TSEN2: variants seen among roughly 807,000 people sequenced by gnomAD.
TSEN2 encodes the protein tRNA splicing endonuclease subunit 2.
In TSEN2, 54 loss-of-function variants were observed where a neutral mutation model predicts 59.2. The ratio of observed to expected loss-of-function variants is 0.91; its 90% CI spans 0.73 to 1.14. The LOEUF (loss-of-function observed/expected upper bound fraction) is 1.14. Ranked by LOEUF, TSEN2 falls within the 50% of genes most tolerant of loss-of-function variation. The pLI is 0.00. For missense variants in TSEN2, 636 were observed against 576.2 expected, an observed-to-expected ratio of 1.10 and a Z score of -1.06; for synonymous variants, 195 against 198.2, an observed-to-expected ratio of 0.98 and a Z score of 0.14.
intron 10 of TSEN2, chr3:12,530,638 A>C: frequency 4.1e-6 from 4 of 985,398 alleles, no homozygotes; most frequent in Non-Finnish European, 1.2e-6. Context: ...GCAGGGCTAG[A>C]GATGACTGCC....
chr3:12,530,537 G>A (rs760436126), intron 10 of TSEN2: 41 of 985,368 alleles, frequency 4.2e-5, no homozygotes, highest in South Asian at 4.7e-5. Context: ...TCATTACTCA[G>A]TGATTTGCTG....
At chr3:12,506,704 A>G (rs953962881) in intron 6 of TSEN2, 2 of 984,786 alleles carry the variant, frequency 2.0e-6, no homozygotes, top group African/African-American at 1.8e-5. Flanking sequence ...GCTTATGTTG[A>G]TAGTGCACAC....
intron 8 of TSEN2, among the ~76,000 whole-genome samples, chr3:12,523,550 T>TTTTTTTTC (rs2056837968): frequency 7.4e-6 from 1 of 134,260 alleles, no homozygotes; most frequent in African/African-American, 3.4e-5. Flanking sequence ...TTTTTTTTTT[T>TTTTTTTTC]TGAGACAAAG....
At chr3:12,492,347 T>G (rs2053298234) in intron 3 of TSEN2, 130 bp downstream of exon 3, 2 of 730,574 alleles carry the variant, frequency 2.7e-6, no homozygotes, top group Admixed American at 4.6e-5. Context: ...ACTGCCAAAG[T>G]TAGCTAGAAT....
At chr3:12,522,080 T>C (rs932740934) in intron 8 of TSEN2, among the ~76,000 whole-genome samples, 1 of 152,224 alleles carries the variant, frequency 6.6e-6, no homozygotes, top group African/African-American at 2.4e-5. Context: ...CTCATAACTT[T>C]CATTATAGTG....
chr3:12,486,441 T>A (rs79201654), intron 1 of TSEN2, among the ~76,000 whole-genome samples: 9,779 of 152,292 alleles, frequency 0.064, 690 homozygotes, highest in African/African-American at 0.17. Flanking sequence ...CTACCTTCCC[T>A]GAGGGTTTCT....
chr3:12,523,526 C>CTTTTTTTTTTTTTTTTTTTTTTTTTTT lies in TSEN2; in HGVS notation c.1099+4354_1099+4355insTTTTTTTTTTTTTTTTTTTTTTTTTTT, dbSNP rs546904336. The stretch of plus-strand genomic sequence containing the variant: ...CTTCTCCTCATCTTCCTCTTTGATT[C>CTTTTTTTTTTTTTTTTTTTTTTTTTTT]TTTTTTTTTTTTTTTTTTTTTTTTT... On this transcript the variant is annotated intron_variant, in intron 8 of 11. Coordinates refer to ENST00000284995, the MANE Select transcript of TSEN2 (RefSeq NM_025265.4). 3.6e-3 allele frequency among the ~76,000 whole-genome samples: 166 copies of CTTTTTTTTTTTTTTTTTTTTTTTTTTT among 46,476 alleles called. 32 individuals carry two copies. The highest frequency in any genetic ancestry group is 4.8e-3 in the Non-Finnish European group (111 of 23,028). 30.5% of individuals were successfully genotyped at this position (46,476 alleles called of 152,430 possible).
At position 12,498,789 on chromosome 3, in the gene TSEN2, C is replaced by T. The variant is rs564690076; in HGVS notation, c.308+2235C>T. ...TTCTATCAGCAAGCTACATACGTCC[C>T]CCAACCAAAACCAATACTTGATTTA... is the stretch of plus-strand genomic sequence containing the variant. On this transcript the variant is annotated intron_variant, in intron 4 of 11. Transcript: ENST00000284995. Among the ~76,000 whole-genome samples, 10 of 152,246 alleles carry T rather than the reference C, an allele frequency of 6.6e-5. No individual in the cohort carries two copies. In the South Asian group the frequency reaches 1.9e-3, roughly 28 times the overall value.
At chr3:12,487,052 TA>T (rs1399106999) in intron 1 of TSEN2, among the ~76,000 whole-genome samples, 2 of 152,236 alleles carry the variant, frequency 1.3e-5, no homozygotes, top group Non-Finnish European at 2.9e-5. Flanking sequence ...GGTCTATACC[TA>T]GGGGTGGAGT....
upstream of TSEN2, among the ~76,000 whole-genome samples, chr3:12,480,528 G>GGTTTTTTTTTTTTTTTTTTTTTT (rs1553565213): frequency 1.2e-4 from 11 of 91,738 alleles, no homozygotes; most frequent in South Asian, 3.3e-4. Context: ...TTGTTTCTTT[G>GGTTTTTTTTTTTTTTTTTTTTTT]TTTTTTTTTT....
intron 6 of TSEN2, among the ~76,000 whole-genome samples, chr3:12,505,852 C>G (rs1029711245): frequency 5.3e-5 from 8 of 150,924 alleles, no homozygotes; most frequent in African/African-American, 2.0e-4. Context: ...TGTAGTCCAG[C>G]CACTTGTGTG....
chr3:12,502,701 T>TTTTTTTTTTTTC (rs2054413386), intron 4 of TSEN2, among the ~76,000 whole-genome samples: 1 of 146,316 alleles, frequency 6.8e-6, no homozygotes, highest in South Asian at 2.2e-4. Context: ...TTTTTTTTTT[T>TTTTTTTTTTTTC]CAAATAAAGC....
chr3:12,505,517 G>A (rs995299304), intron 6 of TSEN2: 42 of 351,036 alleles, frequency 1.2e-4, no homozygotes, highest in African/African-American at 7.6e-4. Context: ...GGCCGGGTGC[G>A]GGGGCTCACA....
rs1306073847 is a variant in TSEN2 at position 12,516,641 on chromosome 3, T to C, written c.940T>C (p.Leu314=). The change falls in exon 7 of 12, where the codon TTA becomes CTA. Residue 314 remains leucine (L), a synonymous_variant. Coordinates refer to ENST00000284995, the MANE Select transcript of TSEN2 (RefSeq NM_025265.4). ...TTTCTTGGTCTATGCTCTGGGATGT[T>C]TAAGTATTTACTATGAGAAGGTAAG... ...AFFLVYALGC[L]SIYYEKEPLT... 2.5e-6 allele frequency: 4 copies of C among 1,613,950 alleles called. No homozygotes were observed. The highest frequency in any genetic ancestry group is 3.4e-6 in the Non-Finnish European group (4 of 1,180,018).
downstream of TSEN2, chr3:12,533,762 G>C (rs2057600469): frequency 6.6e-6 from 1 of 151,804 alleles, no homozygotes; most frequent in South Asian, 2.1e-4. Context: ...GTGGTAGCCT[G>C]AGCTGTATCC....
chr3:12,519,126 A>C lies in TSEN2; in HGVS notation c.1028A>C (p.Tyr343Ser). 1.2e-6 allele frequency: 2 copies of C among 1,614,242 alleles called. No individual in the cohort carries two copies. Among genetic ancestry groups the C allele is most frequent in the Non-Finnish European group, 1.7e-6 (2 of 1,180,026 alleles). Residue 343 changes from tyrosine to serine, a missense_variant, in exon 8 of 12, where the codon TAC becomes TCC. Physicochemically the swap from Tyr to Ser is moderately radical, Grantham distance 144. Coordinates refer to ENST00000284995, the MANE Select transcript of TSEN2 (RefSeq NM_025265.4). ...GTTCAGCCCACGTTCAGAACCACCTACATGGCCTACCATTACTTTCGAAGC... is the reference window on the plus strand; with the variant it reads ...GTTCAGCCCACGTTCAGAACCACCTCCATGGCCTACCATTACTTTCGAAGC... The part of the protein sequence containing the change: ...TVVQPTFRTT[Y>S]MAYHYFRSKG...
chr3:12,516,439 AAAATATATGTGTGTGTG>A (rs1559335448), intron 6 of TSEN2, among the ~76,000 whole-genome samples, 155 bp from the exon 7 acceptor site: 2 of 73,926 alleles, frequency 2.7e-5, no homozygotes, highest in Non-Finnish European at 5.2e-5. Context: ...ACAAACAAAC[AAAATATATGTGTGTGTG>A]TGTGTGTGTG....
At chr3:12,497,111 C>T (rs112474868) in intron 4 of TSEN2, among the ~76,000 whole-genome samples, 17 of 152,348 alleles carry the variant, frequency 1.1e-4, no homozygotes, top group African/African-American at 3.8e-4. Flanking sequence ...TGCTGCTCCT[C>T]TGGCCCCCAC....
intron 8 of TSEN2, among the ~76,000 whole-genome samples, chr3:12,523,231 GT>G (rs935893038): frequency 2.0e-5 from 3 of 152,168 alleles, no homozygotes; most frequent in African/African-American, 7.2e-5. Flanking sequence ...TGACCCAAAG[GT>G]CTGGTTACTC....
Sources: gnomAD v4.1 joint callset for allele counts (sites outside exome capture counted in the v4.1 genomes callset) on GRCh38, gnomAD v4.1.1 for gene constraint, MANE v1.5 for transcripts, NCBI Gene and HGNC (gene_info 2026-07-23, HGNC 2026-07-21) for gene names.